The following AVEN variants were observed in gnomAD, a reference collection of about 807,000 sequenced individuals.
AVEN encodes apoptosis and caspase activation inhibitor, also known as cell death regulator Aven.
A neutral mutation model predicts 38.1 loss-of-function variants in AVEN; 41 were observed. The ratio of observed to expected loss-of-function variants is 1.08; its 90% confidence interval spans 0.84 to 1.40. The LOEUF (loss-of-function observed/expected upper bound fraction) is 1.40. Ranked by LOEUF, AVEN falls within the 40% of genes most tolerant of loss-of-function variation. AVEN has a pLI of 0.00. For synonymous variants in AVEN, 206 were observed against 171.8 expected, an observed-to-expected ratio of 1.20 and a Z score of -1.56; for missense variants, 605 against 438.8, an observed-to-expected ratio of 1.38 and a Z score of -3.38.
intron 1 of AVEN, among the ~76,000 whole-genome samples, chr15:34,025,145 G>T (rs1898398945): frequency 6.6e-6 from 1 of 152,144 alleles, no homozygotes; most frequent in Non-Finnish European, 1.5e-5. Context: ...ACTCCACCCT[G>T]GGCGATGGAG....
chr15:33,968,727 T>C (rs1307352718), intron 2 of AVEN: 1 of 152,138 alleles, frequency 6.6e-6, no homozygotes, highest in African/African-American at 2.4e-5. Flanking sequence ...GTCCAGATAA[T>C]GTTTTTTAAA....
Position 33,867,531 on chromosome 15 carries a change from A to G in AVEN, c.937T>C (p.Ser313Pro). ...LPDQTSQDLK[S>P]KEDGEVVQEE... is the part of the protein sequence containing the mutation. Reference sequence around the variant, plus strand: ...TGGACCACCTCCCCATCTTCCTTGGATTTCAGGTCCTGAGACGTCTGATCT... The same window carrying G: ...TGGACCACCTCCCCATCTTCCTTGGGTTTCAGGTCCTGAGACGTCTGATCT... The change falls in exon 5 of 6, where the codon TCC becomes CCC. Residue 313 changes from serine (S) to proline (P), a missense_variant. Ser to Pro is a moderately conservative substitution (Grantham distance 74). Transcript: ENST00000306730. The G allele has an allele frequency of 6.3e-7, 1 of 1,598,714 alleles. No homozygotes were observed. The highest frequency in any genetic ancestry group is 8.5e-7 in the Non-Finnish European group (1 of 1,173,358).
At chr15:34,058,182 T>C (rs1277829965) in intron 5 of AVEN, among the ~76,000 whole-genome samples, 1 of 152,172 alleles carries the variant, frequency 6.6e-6, no homozygotes, top group Non-Finnish European at 1.5e-5. Context: ...GGTAATCTTC[T>C]TTACTTAAAT....
At chr15:33,964,669 A>G (rs569650775) in intron 2 of AVEN, among the ~76,000 whole-genome samples, 1 of 152,312 alleles carries the variant, frequency 6.6e-6, no homozygotes, top group South Asian at 2.1e-4. Context: ...ATAAATGAAT[A>G]GTATTTTAAA....
At chr15:33,963,069 A>C (rs1259789974) in intron 2 of AVEN, among the ~76,000 whole-genome samples, 1 of 152,208 alleles carries the variant, frequency 6.6e-6, no homozygotes, top group Non-Finnish European at 1.5e-5. Flanking sequence ...TGCCTATATG[A>C]GAAGGAAAAA....
At position 34,009,070 on chromosome 15, in the gene AVEN, A is replaced by G. The variant is rs562273700; in HGVS notation, c.268-5861T>C. Among the ~76,000 whole-genome samples, 4 of 152,304 alleles carry G rather than the reference A, an allele frequency of 2.6e-5. No individual in the cohort carries two copies. The South Asian group carries it at 8.3e-4, about 32-fold the overall frequency. On this transcript the variant is annotated intron_variant, in intron 1 of 5. Transcript: ENST00000306730. ...AATTAATGGCTAACTTCTCATCAGAATCAACGGAAGCCAGAAGGCAATAAT... is the reference window on the plus strand; with the variant it reads ...AATTAATGGCTAACTTCTCATCAGAGTCAACGGAAGCCAGAAGGCAATAAT...
At chr15:33,878,176 G>T (rs1234621821) in intron 2 of AVEN, among the ~76,000 whole-genome samples, 5 of 151,994 alleles carry the variant, frequency 3.3e-5, no homozygotes, top group African/African-American at 4.8e-5. Flanking sequence ...AAAGATTTTT[G>T]AATTTGTCCA....
chr15:34,048,384 T>G (rs2140820297), intron 5 of AVEN, among the ~76,000 whole-genome samples: 1 of 150,496 alleles, frequency 6.6e-6, no homozygotes, highest in East Asian at 1.9e-4. Context: ...GTCCAAATGG[T>G]CCTGACAAGG....
At chr15:34,064,273 T>C (rs1900451594) in intron 4 of AVEN, 2 of 1,613,814 alleles carry the variant, frequency 1.2e-6, no homozygotes, top group East Asian at 2.2e-5. Flanking sequence ...AAGAAAAAAG[T>C]GGAAGAGAAG....
chr15:34,034,718 A>G (rs1302168972), intron 1 of AVEN, among the ~76,000 whole-genome samples: 1 of 152,324 alleles, frequency 6.6e-6, no homozygotes, highest in South Asian at 2.1e-4. Flanking sequence ...TAAAAACAGA[A>G]TATGTTAACA....
intron 2 of AVEN, chr15:34,066,989 T>C (rs613479): frequency 0.47 from 71,892 of 151,996 alleles, 20,535 homozygotes; most frequent in Non-Finnish European, 0.64. Flanking sequence ...TCAGAATGAA[T>C]AGACCTAATT....
At chr15:33,983,979 T>C (rs1243692327) in intron 2 of AVEN, among the ~76,000 whole-genome samples, 3 of 150,430 alleles carry the variant, frequency 2.0e-5, no homozygotes, top group Non-Finnish European at 4.4e-5. Context: ...TTCTACAATA[T>C]GGTCTACTCT....
chr15:33,923,952 A>T (rs539458098), intron 2 of AVEN, among the ~76,000 whole-genome samples: 7 of 127,344 alleles, frequency 5.5e-5, no homozygotes, highest in African/African-American at 2.0e-4. Context: ...AAACAAGCTC[A>T]GGGCTCCCAC....
chr15:34,015,059 T>C (rs1176309535), intron 1 of AVEN, among the ~76,000 whole-genome samples: 1 of 152,004 alleles, frequency 6.6e-6, no homozygotes. Context: ...TCCTTAACAG[T>C]GTGTCTCCCT....
intron 1 of AVEN, among the ~76,000 whole-genome samples, chr15:34,027,825 CA>C (rs539182561): frequency 0.02 from 1,212 of 61,244 alleles, 18 homozygotes; most frequent in Admixed American, 0.11. Context: ...AGGTGAGGCT[CA>C]AAAAAAAAAA....
chr15:34,017,706 C>T (rs1308649416), intron 1 of AVEN, among the ~76,000 whole-genome samples: 2 of 152,118 alleles, frequency 1.3e-5, no homozygotes, highest in African/African-American at 4.8e-5. Context: ...TCTCGAACTC[C>T]TGACCTCAAG....
At chr15:33,862,925 T>C (rs1437653229), downstream of AVEN, among the ~76,000 whole-genome samples, 3 of 152,234 alleles carry the variant, frequency 2.0e-5, no homozygotes, top group Non-Finnish European at 2.9e-5. Context: ...CCTCAAAAAC[T>C]TGAGTTTTAA....
At chr15:33,864,824 C>T (rs919805938), downstream of AVEN, 1 of 279,878 alleles carries the variant, frequency 3.6e-6, no homozygotes, top group East Asian at 6.6e-5. Context: ...CTTCCACCAG[C>T]GGCATGGAAT....
At chr15:33,911,120 T>TTAA (rs1892901294) in intron 2 of AVEN, among the ~76,000 whole-genome samples, 1 of 152,176 alleles carries the variant, frequency 6.6e-6, no homozygotes, top group Non-Finnish European at 1.5e-5. Flanking sequence ...GAATAAATGT[T>TTAA]CCTTATTCCT....
Sources: allele counts gnomAD v4.1 joint callset (sites outside exome capture counted in the v4.1 genomes callset), GRCh38; gene constraint gnomAD v4.1.1; transcripts MANE v1.5; gene names NCBI Gene and HGNC (gene_info 2026-07-23, HGNC 2026-07-21).